The following FKTN variants were observed in gnomAD, a reference collection of about 807,000 sequenced individuals.
FKTN encodes fukutin.
A neutral mutation model predicts 58.6 loss-of-function variants in FKTN; 47 were observed. The ratio of observed to expected loss-of-function variants is 0.80; its 90% CI spans 0.63 to 1.02. The LOEUF (loss-of-function observed/expected upper bound fraction) is 1.02, where lower values mean the gene tolerates loss of function less well. Among genes scored for constraint, FKTN ranks in the 50% least tolerant of loss-of-function variants. The pLI, the probability that FKTN is intolerant of heterozygous loss-of-function variation, is 0.00. For missense variants in FKTN, 516 were observed against 537.3 expected (o/e 0.96, Z 0.39); for synonymous variants, 178 against 191.9 (o/e 0.93, Z 0.60).
chr9:105,588,277 G>A (rs1564253531), intron 3 of FKTN, among the ~76,000 whole-genome samples: 3 of 152,110 alleles, frequency 2.0e-5, no homozygotes, highest in Non-Finnish European at 2.9e-5. Context: ...AGTTGTTGTT[G>A]GCATCTGATT....
chr9:105,610,628 T>G (rs1208655035), intron 7 of FKTN, among the ~76,000 whole-genome samples: 1 of 151,922 alleles, frequency 6.6e-6, no homozygotes, highest in East Asian at 1.9e-4. Context: ...CTTCTTACCC[T>G]GTTCAGGCTC....
intron 3 of FKTN, among the ~76,000 whole-genome samples, chr9:105,591,475 T>C (rs1171605891): frequency 6.6e-6 from 1 of 152,172 alleles, no homozygotes; most frequent in Non-Finnish European, 1.5e-5. Context: ...AGGTTACTCA[T>C]TAAGTCTTAA....
At chr9:105,592,496 G>A (rs1206820130) in intron 3 of FKTN, among the ~76,000 whole-genome samples, 2 of 152,144 alleles carry the variant, frequency 1.3e-5, no homozygotes, top group African/African-American at 4.8e-5. Context: ...AATTAGCTGG[G>A]TGTGGTGATG....
Position 105,586,995 on chromosome 9 carries a change from A to G in FKTN, c.106-9603A>G, listed in dbSNP as rs1844030929. ...TTCATACAGCTATTCCAACATGTAAATATAAATTTGTTCAAAAGAAATGAG... is the reference window on the plus strand; with the variant it reads ...TTCATACAGCTATTCCAACATGTAAGTATAAATTTGTTCAAAAGAAATGAG... On this transcript the variant is annotated intron_variant, in intron 3 of 10. Coordinates refer to ENST00000357998, the MANE Select transcript of FKTN (RefSeq NM_001079802.2). Among the ~76,000 whole-genome samples, 3 of 152,322 alleles carry G rather than the reference A, an allele frequency of 2.0e-5. No homozygotes were observed. In the South Asian group the frequency reaches 6.2e-4, roughly 32 times the overall value.
chr9:105,636,540 C>T lies in FKTN; in HGVS notation c.*1276C>T, dbSNP rs886063325. The T allele has an allele frequency of 1.4e-5, 15 of 1,051,562 alleles. No individual in the cohort carries two copies. Among genetic ancestry groups the T allele is most frequent in the Non-Finnish European group, 1.6e-5 (14 of 859,746 alleles). 65.1% of individuals were successfully genotyped at this position (1,051,562 alleles called of 1,614,324 possible). A position where few individuals can be genotyped will look rare whatever the true frequency, so the allele number is the denominator to read the frequency against. ...CTGGAATGCTTTAGTTTCCTTTTCC[C>T]CTCAAGATGTCTGAGTCAGCTAGGA... On this transcript the variant is annotated 3_prime_UTR_variant, in exon 11 of 11. Transcript: ENST00000357998.
At chr9:105,605,167 A>G (rs189730329) in intron 6 of FKTN, among the ~76,000 whole-genome samples, 2 of 146,810 alleles carry the variant, frequency 1.4e-5, no homozygotes, top group African/African-American at 5.5e-5. Flanking sequence ...TCATTAATAA[A>G]CAATGATATA....
chr9:105,611,065 T>G (rs181153903), intron 7 of FKTN, among the ~76,000 whole-genome samples: 1 of 151,168 alleles, frequency 6.6e-6, no homozygotes, highest in Non-Finnish European at 1.5e-5. Flanking sequence ...ATAACAATAT[T>G]TTTATTTTAT....
At chr9:105,630,106 C>T (rs1308467776) in intron 10 of FKTN, among the ~76,000 whole-genome samples, 2 of 151,816 alleles carry the variant, frequency 1.3e-5, no homozygotes, top group African/African-American at 4.8e-5. Flanking sequence ...ATGTAAAGGA[C>T]GAGTTAATGG....
chr9:105,565,778 T>G (rs1839459865), intron 1 of FKTN, among the ~76,000 whole-genome samples: 1 of 152,162 alleles, frequency 6.6e-6, no homozygotes, highest in African/African-American at 2.4e-5. Flanking sequence ...GGAATTGAAC[T>G]CAACTCTGCA....
intron 10 of FKTN, 30 bp downstream of exon 10, chr9:105,620,091 A>C (rs1034845210): frequency 6.3e-7 from 1 of 1,574,908 alleles, no homozygotes; most frequent in Non-Finnish European, 8.7e-7. Flanking sequence ...TTATTTATAA[A>C]GGTACTACAG....
At chr9:105,580,197 G>T (rs1842611727) in intron 3 of FKTN, among the ~76,000 whole-genome samples, 2 of 152,100 alleles carry the variant, frequency 1.3e-5, no homozygotes, top group African/African-American at 4.8e-5. Context: ...GTGTGAATTT[G>T]ATCCTGTCAT....
At position 105,607,005 on chromosome 9, in the gene FKTN, C is replaced by A. The variant is rs10978170; in HGVS notation, c.648-814C>A. Among the ~76,000 whole-genome samples, 6 of 151,794 alleles carry A rather than the reference C, an allele frequency of 4.0e-5. No homozygotes were observed. The East Asian group carries it at 7.7e-4, about 20-fold the overall frequency. Reference sequence around the variant, plus strand: ...TTTTCTTATTCTGTATTTCAAATGACCTTCTTTAGGGAGACATTATCTTTT... The same window carrying A: ...TTTTCTTATTCTGTATTTCAAATGAACTTCTTTAGGGAGACATTATCTTTT... On this transcript the variant is annotated intron_variant, in intron 6 of 10. Transcript: ENST00000357998.
At chr9:105,599,959 GTT>G (rs928036298) in intron 4 of FKTN, among the ~76,000 whole-genome samples, 4 of 146,692 alleles carry the variant, frequency 2.7e-5, no homozygotes, top group African/African-American at 7.4e-5. Flanking sequence ...TTTGAGGGCA[GTT>G]TTTTTTTTTC....
At chr9:105,632,182 A>C (rs1213406106) in intron 10 of FKTN, among the ~76,000 whole-genome samples, 1 of 151,228 alleles carries the variant, frequency 6.6e-6, no homozygotes, top group Non-Finnish European at 1.5e-5. Context: ...AAAACCAAAC[A>C]CCGCATATTC....
Position 105,604,470 on chromosome 9 carries a change from C to A in FKTN, c.625C>A (p.Arg209Ser). The A allele has an allele frequency of 1.2e-6, 2 of 1,613,880 alleles. No individual in the cohort carries two copies. Among genetic ancestry groups the A allele is most frequent in the South Asian group, 2.2e-5 (2 of 90,950 alleles). Residue 209 changes from arginine to serine, a missense_variant, in exon 6 of 11, where the codon CGT (arginine) becomes AGT (serine). Transcript: ENST00000357998. ...FVPFRKLQFG[R>S]YPGAFDRPEL... ...TCCCTTCCGAAAGTTACAGTTTGGTCGTTATCCAGGAGCTTTTGACAGGTA... is the reference window on the plus strand; with the variant it reads ...TCCCTTCCGAAAGTTACAGTTTGGTAGTTATCCAGGAGCTTTTGACAGGTA...
chr9:105,589,853 AAT>A (rs1466054984), intron 3 of FKTN, among the ~76,000 whole-genome samples: 3 of 152,174 alleles, frequency 2.0e-5, no homozygotes, highest in Admixed American at 2.0e-4. Flanking sequence ...CTGCGGCAGG[AAT>A]ATGTCTGTCA....
rs762110230 is a variant in FKTN at position 105,575,026 on chromosome 9, C to G, written c.-7C>G. 9 of 1,487,154 alleles carry G rather than the reference C, an allele frequency of 6.1e-6. No homozygotes were observed. In the African/African-American group the frequency reaches 1.2e-4, roughly 21 times the overall value. The allele number at this position is 1,487,154 out of a possible 1,614,324, so 92.1% of individuals were successfully genotyped here. ...TCAAAAGACAACCAAGTGAGCAGCA[C>G]AGACTAATGAGTAGAATCAATAAGA... On this transcript the variant is annotated 5_prime_UTR_variant, in exon 3 of 11. Transcript: ENST00000357998.
At chr9:105,596,529 C>T in intron 3 of FKTN, 69 bp from the exon 4 acceptor site, 1 of 948,852 alleles carries the variant, frequency 1.1e-6, no homozygotes, top group South Asian at 1.3e-5. Flanking sequence ...GAATCTCATG[C>T]CTAACTGAAA....
chr9:105,634,353 C>T (rs10816288), intron 10 of FKTN, among the ~76,000 whole-genome samples: 23,190 of 151,992 alleles, frequency 0.15, 2,264 homozygotes, highest in East Asian at 0.46. Flanking sequence ...GGGCTGGTCT[C>T]GAACTTCTGG....
Sources: allele counts gnomAD v4.1 joint callset (sites outside exome capture counted in the v4.1 genomes callset), GRCh38; gene constraint gnomAD v4.1.1; transcripts MANE v1.5; gene names NCBI Gene and HGNC (gene_info 2026-07-23, HGNC 2026-07-21).